The following AIG1 variants were observed in gnomAD, a reference collection of about 807,000 sequenced individuals.
The protein encoded by AIG1 is androgen induced 1, also known as androgen-induced gene 1 protein.
In AIG1, 23 loss-of-function variants were observed where a neutral mutation model predicts 31.4. The observed-to-expected ratio is 0.73, with a 90% CI of 0.53 to 1.04. The LOEUF is 1.04. Among genes scored for constraint, AIG1 ranks in the 50% least tolerant of loss-of-function variants. The pLI is 0.00. For missense variants in AIG1, 274 were observed against 295.0 expected, an observed-to-expected ratio of 0.93 and a Z score of 0.52; for synonymous variants, 100 against 110.5, an observed-to-expected ratio of 0.90 and a Z score of 0.60.
At chr6:143,205,396 T>C (rs556651457) in intron 3 of AIG1, among the ~76,000 whole-genome samples, 1 of 152,206 alleles carries the variant, frequency 6.6e-6, no homozygotes, top group Non-Finnish European at 1.5e-5. Flanking sequence ...AGCTGTTTGA[T>C]TGGGTTAATT....
At chr6:143,172,981 G>A (rs1787783186) in intron 3 of AIG1, among the ~76,000 whole-genome samples, 1 of 151,354 alleles carries the variant, frequency 6.6e-6, no homozygotes, top group South Asian at 2.1e-4. Context: ...CTCGCTAATG[G>A]TCTATCAATT....
intron 1 of AIG1, among the ~76,000 whole-genome samples, chr6:143,094,885 A>G (rs1314608807): frequency 6.6e-6 from 1 of 152,202 alleles, no homozygotes; most frequent in Non-Finnish European, 1.5e-5. Flanking sequence ...AAAACTGTTC[A>G]GAATCCTCAC....
chr6:143,219,856 G>A (rs1792332824), intron 3 of AIG1, among the ~76,000 whole-genome samples: 1 of 152,148 alleles, frequency 6.6e-6, no homozygotes, highest in African/African-American at 2.4e-5. Context: ...TGGGCATTTT[G>A]GGGTGTCACC....
At position 143,189,164 on chromosome 6, in the gene AIG1, C is replaced by A. The variant is rs986381513; in HGVS notation, c.399+23981C>A. ...GCTCAAGCAATCCTCCTGCCTCAGC[C>A]CCCCAAGTAGCTGGGACCACAGATG... On this transcript the variant is annotated intron_variant, in intron 3 of 5. Transcript: ENST00000357847. The A allele has an allele frequency of 1.4e-5, 7 of 505,700 alleles. No homozygotes were observed. The East Asian group carries it at 1.1e-3, about 76-fold the overall frequency. 31.3% of individuals were successfully genotyped at this position (505,700 alleles called of 1,614,324 possible).
At chr6:143,295,268 A>G (rs1798344104) in intron 4 of AIG1, among the ~76,000 whole-genome samples, 1 of 152,164 alleles carries the variant, frequency 6.6e-6, no homozygotes, top group African/African-American at 2.4e-5. Context: ...TCCAAGCCTC[A>G]GTTATCTCTC....
chr6:143,073,483 A>G (rs1473198354), intron 1 of AIG1, among the ~76,000 whole-genome samples: 1 of 152,164 alleles, frequency 6.6e-6, no homozygotes, highest in African/African-American at 2.4e-5. Context: ...CTACCAACCT[A>G]CATTCCTGCC....
chr6:143,088,752 G>C (rs936858717), intron 1 of AIG1, among the ~76,000 whole-genome samples: 1 of 152,172 alleles, frequency 6.6e-6, no homozygotes, highest in Admixed American at 6.5e-5. Flanking sequence ...AATGAACACA[G>C]ATCTACCAAA....
At chr6:143,078,649 C>G (rs919660883) in intron 1 of AIG1, among the ~76,000 whole-genome samples, 4 of 152,084 alleles carry the variant, frequency 2.6e-5, no homozygotes, top group Non-Finnish European at 5.9e-5. Context: ...AAAGGGAAAA[C>G]CCCTTATAAA....
chr6:143,262,551 C>T (rs1412955691), intron 3 of AIG1, among the ~76,000 whole-genome samples: 2 of 152,196 alleles, frequency 1.3e-5, no homozygotes, highest in South Asian at 2.1e-4. Context: ...CCAAGAATCA[C>T]ATTAACTTAC....
intron 3 of AIG1, among the ~76,000 whole-genome samples, chr6:143,265,739 C>T (rs1796108832): frequency 6.6e-6 from 1 of 152,100 alleles, no homozygotes; most frequent in South Asian, 2.1e-4. Flanking sequence ...AACTAAACAC[C>T]CCCTCATCCT....
intron 3 of AIG1, among the ~76,000 whole-genome samples, chr6:143,237,599 T>A (rs73594114): frequency 0.01 from 1,568 of 152,286 alleles, 21 homozygotes; most frequent in African/African-American, 0.035. Flanking sequence ...AACTTCTCTC[T>A]CCCCTAGTTT....
intron 3 of AIG1, among the ~76,000 whole-genome samples, chr6:143,221,808 A>G (rs865931186): frequency 6.6e-6 from 1 of 152,320 alleles, no homozygotes; most frequent in Middle Eastern, 3.4e-3. Context: ...TTAACACTCA[A>G]GAAATCCTAG....
rs1777101558 is a variant in AIG1, at chr6:143,331,846, T to TTTACTATTA, written c.516-1433_516-1432insCTATTATTA. 7.3e-6 allele frequency among the ~76,000 whole-genome samples: 1 copy of TTTACTATTA among 137,636 alleles called. No homozygotes were observed. Among genetic ancestry groups the TTTACTATTA allele is most frequent in the African/African-American group, 2.7e-5 (1 of 36,684 alleles). The allele number at this position is 137,636 out of a possible 152,430, so 90.3% of individuals were successfully genotyped here. ...AAATGAGGTACATGTGTAGGTAATG[T>TTTACTATTA]TTATTATTATTATTATTATTATTAT... On this transcript the variant is annotated intron_variant, in intron 4 of 5. Coordinates refer to ENST00000357847, the MANE Select transcript of AIG1 (RefSeq NM_016108.4). This position sits in a 1 kb window ranked among gnomAD's most constrained non-coding sequence, Gnocchi z 4.1.
intron 1 of AIG1, among the ~76,000 whole-genome samples, chr6:143,109,333 C>T (rs750500208): frequency 3.9e-5 from 6 of 152,092 alleles, no homozygotes; most frequent in African/African-American, 7.2e-5. Flanking sequence ...CTTCTATGAA[C>T]GTGCTTATAC....
chr6:143,167,378 C>A (rs1160776646), intron 3 of AIG1, among the ~76,000 whole-genome samples: 2 of 152,182 alleles, frequency 1.3e-5, no homozygotes, highest in African/African-American at 4.8e-5. Flanking sequence ...CTTGAAGTTG[C>A]TGCCTCCAGT....
intron 3 of AIG1, among the ~76,000 whole-genome samples, chr6:143,211,839 G>A (rs904284419): frequency 2.0e-5 from 3 of 151,718 alleles, no homozygotes; most frequent in Admixed American, 6.6e-5. Flanking sequence ...GTTGCAGTGC[G>A]CTGAGATCAC....
chr6:143,320,093 C>T (rs924488666), intron 4 of AIG1, among the ~76,000 whole-genome samples: 1 of 152,060 alleles, frequency 6.6e-6, no homozygotes, highest in Non-Finnish European at 1.5e-5. Flanking sequence ...TCAAAAAAGA[C>T]ACACACGGCC....
chr6:143,161,866 C>A (rs978518215), intron 2 of AIG1, among the ~76,000 whole-genome samples: 2 of 151,938 alleles, frequency 1.3e-5, no homozygotes, highest in African/African-American at 4.8e-5. Flanking sequence ...AAAGACTGAC[C>A]ACTTTCCCTA....
chr6:143,255,966 A>G (rs1417975179), intron 3 of AIG1, among the ~76,000 whole-genome samples: 2 of 152,198 alleles, frequency 1.3e-5, no homozygotes, highest in Non-Finnish European at 2.9e-5. Flanking sequence ...GTTGAAGAAC[A>G]TGTTTTCCTA....
Sources: allele counts gnomAD v4.1 joint callset (sites outside exome capture counted in the v4.1 genomes callset), GRCh38; gene constraint gnomAD v4.1.1; non-coding constraint Gnocchi (gnomAD v3.1); transcripts MANE v1.5; gene names NCBI Gene and HGNC (gene_info 2026-07-23, HGNC 2026-07-21).